Variants in STXBP5L observed in about 807,000 individuals in gnomAD.
STXBP5L encodes syntaxin binding protein 5L.
Under a neutral mutation model 144.5 loss-of-function variants are expected in STXBP5L, and 65 were observed. The ratio of observed to expected loss-of-function variants is 0.45; its 90% confidence interval spans 0.37 to 0.55. The LOEUF (loss-of-function observed/expected upper bound fraction) is 0.55. Among genes scored for constraint, STXBP5L ranks in the 20% least tolerant of loss-of-function variants. The pLI is 0.00. For synonymous variants in STXBP5L, 505 were observed against 469.6 expected (o/e 1.08, Z -0.97); for missense variants, 1,298 against 1,405.5 (o/e 0.92, Z 1.22).
chr3:121,171,204 G>A (rs868613302), intron 9 of STXBP5L, among the ~76,000 whole-genome samples: 1 of 152,074 alleles, frequency 6.6e-6, no homozygotes, highest in Non-Finnish European at 1.5e-5. Flanking sequence ...TTGATGGAAC[G>A]TAACTTACAA....
intron 9 of STXBP5L, among the ~76,000 whole-genome samples, chr3:121,202,088 A>G (rs991137822): frequency 4.6e-5 from 7 of 152,016 alleles, no homozygotes; most frequent in Admixed American, 1.3e-4. Flanking sequence ...ATTTTTTGTT[A>G]TATGTTTTAT....
intron 5 of STXBP5L, among the ~76,000 whole-genome samples, chr3:121,047,597 C>T (rs1688683): frequency 0.21 from 32,454 of 152,054 alleles, 3,689 homozygotes; most frequent in Non-Finnish European, 0.26. Context: ...AACCCTTTAC[C>T]ATTACGTAAT....
At chr3:121,335,745 T>C (rs2044483382) in intron 20 of STXBP5L, among the ~76,000 whole-genome samples, 1 of 152,082 alleles carries the variant, frequency 6.6e-6, no homozygotes, top group African/African-American at 2.4e-5. Context: ...GATCCCTTCT[T>C]TACACCACAT....
intron 3 of STXBP5L, among the ~76,000 whole-genome samples, chr3:121,018,751 G>T (rs1464294858): frequency 6.6e-6 from 1 of 152,214 alleles, no homozygotes; most frequent in Non-Finnish European, 1.5e-5. Flanking sequence ...ATGGCAGATA[G>T]GAGGCGGAAC....
intron 5 of STXBP5L, among the ~76,000 whole-genome samples, chr3:121,086,914 A>G (rs1224733716): frequency 6.6e-6 from 1 of 152,088 alleles, no homozygotes; most frequent in Non-Finnish European, 1.5e-5. Context: ...TGCATTTCTC[A>G]GAACTTATGC....
chr3:121,354,854 A>C (rs935153894), intron 20 of STXBP5L, among the ~76,000 whole-genome samples: 20 of 152,022 alleles, frequency 1.3e-4, no homozygotes, highest in Admixed American at 1.2e-3. Flanking sequence ...CATGTTTAGT[A>C]CTTCCTTCAG....
intron 22 of STXBP5L, among the ~76,000 whole-genome samples, chr3:121,396,914 G>A (rs1365964805): frequency 6.6e-6 from 1 of 152,210 alleles, no homozygotes. Context: ...GTATGAAATT[G>A]TAACTGAGCA....
intron 19 of STXBP5L, among the ~76,000 whole-genome samples, chr3:121,315,379 G>A (rs375189943): frequency 1.7e-4 from 25 of 150,682 alleles, no homozygotes; most frequent in East Asian, 1.4e-3. Context: ...GCAAACTATC[G>A]CAAGGACAAA....
chr3:121,051,254 C>A (rs1434301799), intron 5 of STXBP5L, among the ~76,000 whole-genome samples: 1 of 152,054 alleles, frequency 6.6e-6, no homozygotes, highest in African/African-American at 2.4e-5. Flanking sequence ...ATCTACAGAA[C>A]TCTCCACCCC....
chr3:121,044,137 T>C (rs1348306651), intron 4 of STXBP5L, among the ~76,000 whole-genome samples: 1 of 152,192 alleles, frequency 6.6e-6, no homozygotes. Context: ...CATGTTAAGA[T>C]GTATATATCA....
At chr3:120,937,064 T>C (rs963755944) in intron 2 of STXBP5L, among the ~76,000 whole-genome samples, 17 of 152,162 alleles carry the variant, frequency 1.1e-4, no homozygotes, top group Non-Finnish European at 2.5e-4. Context: ...TTCTTCTCTC[T>C]TCCCCTACCT....
intron 22 of STXBP5L, among the ~76,000 whole-genome samples, chr3:121,382,111 T>A (rs571899685): frequency 2.7e-5 from 4 of 150,332 alleles, no homozygotes; most frequent in African/African-American, 9.7e-5. Context: ...ATCTTTTTTT[T>A]TTGAAGAAGA....
intron 5 of STXBP5L, among the ~76,000 whole-genome samples, chr3:121,075,226 A>T (rs527350565): frequency 6.6e-6 from 1 of 152,066 alleles, no homozygotes; most frequent in Non-Finnish European, 1.5e-5. Context: ...CTCTCTGGAC[A>T]TTCATTCCTC....
chr3:121,339,729 A>G (rs1018337786), intron 20 of STXBP5L, among the ~76,000 whole-genome samples: 8 of 152,140 alleles, frequency 5.3e-5, no homozygotes, highest in African/African-American at 1.2e-4. Flanking sequence ...TACAAAATCC[A>G]TGTACACAAA....
At chr3:120,996,832 G>T (rs964530808) in intron 3 of STXBP5L, among the ~76,000 whole-genome samples, 2 of 152,178 alleles carry the variant, frequency 1.3e-5, no homozygotes, top group East Asian at 1.9e-4. Context: ...GTTCAGGGGG[G>T]TACATGTTCA....
intron 7 of STXBP5L, among the ~76,000 whole-genome samples, chr3:121,146,614 C>T (rs1018280311): frequency 6.8e-6 from 1 of 147,524 alleles, no homozygotes; most frequent in African/African-American, 2.5e-5. Context: ...TTTAAACTTA[C>T]AGATGTAGAA....
At chr3:121,027,048 T>A (rs1230509919) in intron 3 of STXBP5L, among the ~76,000 whole-genome samples, 1 of 151,918 alleles carries the variant, frequency 6.6e-6, no homozygotes, top group Admixed American at 6.6e-5. Context: ...GTGTGGCATA[T>A]TCTGATCCTC....
rs370212712 is a variant in STXBP5L, at chr3:121,063,595, G to A, written c.470+18060G>A. On this transcript the variant is annotated intron_variant, in intron 5 of 26. Coordinates refer to ENST00000471454, the MANE Select transcript of STXBP5L (RefSeq NM_001308330.2). ...GTCTGCTGAAGCTGCGCCAACACCC[G>A]CTCCTTCCTCCAGGTGCTCTGTCCC... Among the ~76,000 whole-genome samples the A allele has an allele frequency of 8.6e-4, 131 of 152,282 alleles. 1 individual carries two copies. Among genetic ancestry groups the A allele is most frequent in the Middle Eastern group, 3.4e-3 (1 of 294 alleles).
chr3:121,027,365 A>T (rs1170851607), intron 3 of STXBP5L, among the ~76,000 whole-genome samples: 1 of 152,140 alleles, frequency 6.6e-6, no homozygotes, highest in Non-Finnish European at 1.5e-5. Flanking sequence ...CTGAAAGGTT[A>T]ACTTAATAGC....
Sources: allele counts gnomAD v4.1 joint callset (sites outside exome capture counted in the v4.1 genomes callset), GRCh38; gene constraint gnomAD v4.1.1; transcripts MANE v1.5; gene names NCBI Gene and HGNC (gene_info 2026-07-23, HGNC 2026-07-21).